Variants in EPB41L4B observed in about 807,000 individuals in gnomAD.
The protein encoded by EPB41L4B is erythrocyte membrane protein band 4.1 like 4B, also known as band 4.1-like protein 4B.
EPB41L4B carries 30 observed loss-of-function variants against 112.5 expected under a neutral mutation model. That is an observed-to-expected ratio of 0.27 (90% CI 0.20 to 0.36). EPB41L4B has a LOEUF of 0.36. Among genes scored for constraint, EPB41L4B ranks in the 10% least tolerant of loss-of-function variants. EPB41L4B has a pLI of 1.00. For synonymous variants in EPB41L4B, 408 were observed against 439.7 expected (o/e 0.93, Z 0.90); for missense variants, 1,024 against 1,133.3 (o/e 0.90, Z 1.38).
chr9:109,217,127 T>C lies in EPB41L4B; in HGVS notation c.1428A>G (p.Pro476=), dbSNP rs1833403100. The C allele has an allele frequency of 6.2e-7, 1 of 1,613,944 alleles. No homozygotes were observed. The highest frequency in any genetic ancestry group is 1.1e-5 in the South Asian group (1 of 91,072). ...SPNVSYPLPS[P]VLSSSDRLPF... ...GCAACCGGTCCGAGCTGCTAAGCAC[T>C]GGGGAAGGGAGCGGGTAGCTGTGGA... The change falls in exon 16 of 26, where the codon CCA becomes CCG. Residue 476 remains proline, a synonymous_variant. Transcript: ENST00000374566.
chr9:109,272,404 A>G (rs1411812475), intron 2 of EPB41L4B, among the ~76,000 whole-genome samples: 2 of 152,156 alleles, frequency 1.3e-5, no homozygotes, highest in Non-Finnish European at 2.9e-5. Flanking sequence ...CAAAGCTGCA[A>G]TGAGCTACGA....
chr9:109,183,330 C>A (rs924861425), intron 23 of EPB41L4B, among the ~76,000 whole-genome samples: 7 of 152,104 alleles, frequency 4.6e-5, no homozygotes, highest in Non-Finnish European at 7.4e-5. Flanking sequence ...ACTCCCTGTA[C>A]GCTTTGGCCA....
rs1462051877 is a variant in EPB41L4B, at chr9:109,309,751, CACACAGAG to C, written c.306+10382_306+10389del. 2.9e-5 allele frequency among the ~76,000 whole-genome samples: 4 copies of C among 137,754 alleles called. No homozygotes were observed. In the East Asian group the frequency reaches 8.7e-4, roughly 30 times the overall value. 90.4% of individuals were successfully genotyped at this position (137,754 alleles called of 152,430 possible). On this transcript the variant is annotated intron_variant, in intron 1 of 25. Coordinates refer to ENST00000374566, the MANE Select transcript of EPB41L4B (RefSeq NM_019114.5). ...CCCATCTCTATTATTAAGAAATACA[CACACAGAG>C]AGAGAGAGAGAGAGAGAGAGAGAGA...
intron 15 of EPB41L4B, among the ~76,000 whole-genome samples, chr9:109,226,754 GAATATA>G (rs1833791763): frequency 2.1e-5 from 2 of 95,648 alleles, no homozygotes; most frequent in African/African-American, 4.1e-5. Context: ...TATATATGAA[GAATATA>G]TATATATGAA....
chr9:109,293,713 A>C lies in EPB41L4B; in HGVS notation c.307-13792T>G, dbSNP rs569447502. The stretch of plus-strand genomic sequence containing the variant: ...TACACATTCTTAAAAAAAAAAAAAA[A>C]AAAAAAACATAAACTAAAAACTGTT... On this transcript the variant is annotated intron_variant, in intron 1 of 25. Coordinates refer to ENST00000374566, the MANE Select transcript of EPB41L4B (RefSeq NM_019114.5). 4.5e-3 allele frequency among the ~76,000 whole-genome samples: 680 copies of C among 151,798 alleles called. 5 individuals are homozygous for C. The highest frequency in any genetic ancestry group is 0.014 in the African/African-American group (597 of 41,302).
chr9:109,212,098 C>T (rs1333083558), intron 17 of EPB41L4B, among the ~76,000 whole-genome samples: 3 of 152,148 alleles, frequency 2.0e-5, no homozygotes, highest in Non-Finnish European at 2.9e-5. Flanking sequence ...ACAGGTGTCT[C>T]AGGTAGGCCT....
Position 109,320,499 on chromosome 9 carries a change from C to T in EPB41L4B, c.-53G>A, listed in dbSNP as rs1431338251. 5 of 823,694 alleles carry T rather than the reference C, an allele frequency of 6.1e-6. No homozygotes were observed. Among genetic ancestry groups the T allele is most frequent in the Non-Finnish European group, 7.3e-6 (5 of 682,532 alleles). The allele number at this position is 823,694 out of a possible 1,614,324, so 51.0% of individuals were successfully genotyped here. On this transcript the variant is annotated 5_prime_UTR_variant, in exon 1 of 26. Coordinates refer to ENST00000374566, the MANE Select transcript of EPB41L4B (RefSeq NM_019114.5). ...CCCCCTGCGCTGCCGCTGCCGCTGC[C>T]GCTGCCGCTGCGCCGCCGCCCGGGA...
intron 22 of EPB41L4B, among the ~76,000 whole-genome samples, chr9:109,191,899 A>G (rs1832472304): frequency 6.6e-6 from 1 of 152,226 alleles, no homozygotes; most frequent in Admixed American, 6.5e-5. Context: ...GCCTTGAGCC[A>G]GTGCTTCAGA....
chr9:109,312,401 C>A (rs913360437), intron 1 of EPB41L4B, among the ~76,000 whole-genome samples: 1 of 152,116 alleles, frequency 6.6e-6, no homozygotes, highest in Non-Finnish European at 1.5e-5. Flanking sequence ...TTCAATGAGT[C>A]TAACTAAAGA....
At chr9:109,278,356 C>T (rs1588201852) in intron 2 of EPB41L4B, among the ~76,000 whole-genome samples, 1 of 152,156 alleles carries the variant, frequency 6.6e-6, no homozygotes, top group Non-Finnish European at 1.5e-5. Context: ...TGCACAGGGA[C>T]ATCCAGTGGG....
intron 1 of EPB41L4B, among the ~76,000 whole-genome samples, chr9:109,285,861 C>T (rs952531701): frequency 1.3e-5 from 2 of 152,154 alleles, no homozygotes; most frequent in African/African-American, 4.8e-5. Context: ...CTTTCAGGAG[C>T]CTCCCCAACT....
chr9:109,247,870 A>G, intron 13 of EPB41L4B, 81 bp from the exon 14 acceptor site: 1 of 1,129,504 alleles, frequency 8.9e-7, no homozygotes, highest in Non-Finnish European at 1.2e-6. Flanking sequence ...TTATTTAACA[A>G]TCATGAACTA....
At chr9:109,306,882 C>T (rs966738369) in intron 1 of EPB41L4B, among the ~76,000 whole-genome samples, 2 of 152,138 alleles carry the variant, frequency 1.3e-5, no homozygotes, top group African/African-American at 4.8e-5. Context: ...TGGGGGCCAC[C>T]AAGGCAAAGT....
chr9:109,258,235 T>G lies in EPB41L4B; in HGVS notation c.694A>C (p.Ile232Leu). The G allele has an allele frequency of 6.2e-7, 1 of 1,614,128 alleles. No homozygotes were observed. Among genetic ancestry groups the G allele is most frequent in the Non-Finnish European group, 8.5e-7 (1 of 1,179,944 alleles). The change falls in exon 7 of 26, where the codon ATT becomes CTT. Residue 232 changes from isoleucine to leucine, a missense_variant. Ile to Leu is a conservative substitution (Grantham distance 5). Coordinates refer to ENST00000374566, the MANE Select transcript of EPB41L4B (RefSeq NM_019114.5). ...TPELVSEFRF[I>L]PNQTEAMEFD... ...TCCATTGCTTCTGTCTGATTTGGAA[T>G]GAACCGAAACTCAGACACAAGCTCT...
At chr9:109,202,281 T>A (rs1007472927) in intron 19 of EPB41L4B, among the ~76,000 whole-genome samples, 1 of 152,182 alleles carries the variant, frequency 6.6e-6, no homozygotes, top group Non-Finnish European at 1.5e-5. Flanking sequence ...GACAAATTTA[T>A]ACCAAGCACA....
intron 25 of EPB41L4B, 100 bp downstream of exon 25, chr9:109,176,451 G>C: frequency 7.8e-7 from 1 of 1,288,934 alleles, no homozygotes; most frequent in Admixed American, 2.7e-5. Flanking sequence ...ATGAAAGAAT[G>C]TAGGAAAGGC....
At chr9:109,240,475 T>C (rs1834316014) in intron 15 of EPB41L4B, 1 of 985,172 alleles carries the variant, frequency 1.0e-6, no homozygotes, top group African/African-American at 1.7e-5. Context: ...AAAATTACAA[T>C]TACATATACA....
chr9:109,286,508 A>G (rs1015406279), intron 1 of EPB41L4B, among the ~76,000 whole-genome samples: 1 of 152,228 alleles, frequency 6.6e-6, no homozygotes, highest in Non-Finnish European at 1.5e-5. Flanking sequence ...TCTAGTGGTT[A>G]TAACAGAAGA....
Position 109,279,198 on chromosome 9 carries a change from C to CT in EPB41L4B, c.411+618dup, listed in dbSNP as rs774056556. ...CCATTAGAAGAGTTTCTTTCTTTTC[C>CT]TTTTTTTTTTTTTTTCAGACAGGGT... On this transcript the variant is annotated intron_variant, in intron 2 of 25. Transcript: ENST00000374566. Among the ~76,000 whole-genome samples the CT allele has an allele frequency of 8.0e-3, 1,147 of 143,746 alleles. 11 individuals are homozygous for CT. Among genetic ancestry groups the CT allele is most frequent in the African/African-American group, 0.019 (756 of 39,118 alleles). 94.3% of individuals were successfully genotyped at this position (143,746 alleles called of 152,430 possible).
Sources: gnomAD v4.1 joint callset for allele counts (sites outside exome capture counted in the v4.1 genomes callset) on GRCh38, gnomAD v4.1.1 for gene constraint, MANE v1.5 for transcripts, NCBI Gene and HGNC (gene_info 2026-07-23, HGNC 2026-07-21) for gene names.